Variants in TBL1X observed in about 807,000 individuals in gnomAD.
TBL1X encodes the protein F-box-like/WD repeat-containing protein TBL1X.
Under a neutral mutation model 50.7 loss-of-function variants are expected in TBL1X, and 10 were observed. That is an observed-to-expected ratio of 0.20 (90% CI 0.12 to 0.33). TBL1X has a LOEUF of 0.33. Among genes scored for constraint, TBL1X ranks in the 10% least tolerant of loss-of-function variants. The pLI, the probability that TBL1X is intolerant of heterozygous loss-of-function variation, is 1.00. For missense variants in TBL1X, 340 were observed against 504.4 expected (o/e 0.67, Z 3.12); for synonymous variants, 190 against 214.7 (o/e 0.88, Z 1.01).
At chrX:9,660,051 C>T (rs774303483) in intron 5 of TBL1X, among the ~76,000 whole-genome samples, 1 of 112,675 alleles carries the variant, frequency 8.9e-6, no homozygotes, top group Admixed American at 9.4e-5. Flanking sequence ...TCTATACAGC[C>T]TCATCAGCCC....
chrX:9,687,473 G>C (rs1227239898), intron 6 of TBL1X, among the ~76,000 whole-genome samples: 2 of 111,196 alleles, frequency 1.8e-5, no homozygotes, highest in African/African-American at 6.6e-5. Flanking sequence ...GCGATAGCAC[G>C]TGGGCAGGTC....
At chrX:9,523,913 C>A (rs1473454563) in intron 2 of TBL1X, among the ~76,000 whole-genome samples, 1 of 80,785 alleles carries the variant, frequency 1.2e-5, no homozygotes, top group Non-Finnish European at 2.5e-5. Flanking sequence ...TTTTTCTTTT[C>A]TTTTTATTGG....
At chrX:9,510,736 C>T (rs2082051358) in intron 2 of TBL1X, among the ~76,000 whole-genome samples, 1 of 112,097 alleles carries the variant, frequency 8.9e-6, no homozygotes, top group Non-Finnish European at 1.9e-5. Flanking sequence ...GTGGGTGGAC[C>T]TCATCCAATC....
At chrX:9,514,428 C>A (rs1331518530) in intron 2 of TBL1X, among the ~76,000 whole-genome samples, 1 of 111,249 alleles carries the variant, frequency 9.0e-6, no homozygotes, top group Non-Finnish European at 1.9e-5. Flanking sequence ...GGTTCGTTGC[C>A]TGTGTTTGTT....
intron 1 of TBL1X, among the ~76,000 whole-genome samples, chrX:9,491,646 C>T (rs1329121914): frequency 9.1e-6 from 1 of 110,455 alleles, no homozygotes; most frequent in Non-Finnish European, 1.9e-5. Context: ...GTTAAAGACT[C>T]ATTTATGAGG....
chrX:9,714,262 A>G (rs1172144351), intron 16 of TBL1X, among the ~76,000 whole-genome samples: 1 of 112,474 alleles, frequency 8.9e-6, no homozygotes, highest in Non-Finnish European at 1.9e-5. Flanking sequence ...AAATACGTAC[A>G]TTTTAATGTC....
chrX:9,591,956 G>A (rs1327816127), intron 2 of TBL1X, among the ~76,000 whole-genome samples: 1 of 112,348 alleles, frequency 8.9e-6, no homozygotes, highest in East Asian at 2.8e-4. Context: ...CTGAAGAACA[G>A]CTTTGATTTT....
chrX:9,653,979 G>A (rs970744216), intron 4 of TBL1X, among the ~76,000 whole-genome samples: 8 of 111,281 alleles, frequency 7.2e-5, no homozygotes, highest in African/African-American at 2.6e-4. Flanking sequence ...ATTCTTCCCC[G>A]GCCTTAGGAA....
chrX:9,529,029 AT>A (rs1049764735), intron 2 of TBL1X, among the ~76,000 whole-genome samples: 306 of 108,883 alleles, frequency 2.8e-3, no homozygotes, highest in African/African-American at 9.6e-3. Flanking sequence ...AAGTTTTCTG[AT>A]TTTTTTTTTC....
intron 2 of TBL1X, chrX:9,636,787 T>TA (rs1334065766): frequency 3.6e-5 from 4 of 112,461 alleles, no homozygotes; most frequent in Non-Finnish European, 7.5e-5. Context: ...AAAAATCCCT[T>TA]ACAGTGGTTT....
chrX:9,513,010 G>A (rs765650788), intron 2 of TBL1X, among the ~76,000 whole-genome samples: 9 of 110,518 alleles, frequency 8.1e-5, no homozygotes, highest in South Asian at 3.9e-4. Flanking sequence ...GACCTTATGC[G>A]GCTCCTTTGC....
intron 2 of TBL1X, among the ~76,000 whole-genome samples, chrX:9,503,195 C>T (rs999326044): frequency 1.8e-5 from 2 of 111,562 alleles, no homozygotes; most frequent in African/African-American, 6.5e-5. Flanking sequence ...GGCGGCCCAC[C>T]TGAGAGTCAC....
intron 2 of TBL1X, among the ~76,000 whole-genome samples, chrX:9,611,623 G>A (rs747959543): frequency 1.8e-5 from 2 of 112,118 alleles, no homozygotes; most frequent in South Asian, 7.5e-4. Context: ...GTCTAAAAGG[G>A]GATTTAGTAT....
intron 1 of TBL1X, among the ~76,000 whole-genome samples, chrX:9,498,055 T>C (rs1301297138): frequency 2.7e-5 from 3 of 110,113 alleles, no homozygotes; most frequent in African/African-American, 9.9e-5. Context: ...TTTCCTGCTA[T>C]TTCCTCCCAG....
chrX:9,689,268 TC>T (rs2083083030), intron 7 of TBL1X, among the ~76,000 whole-genome samples: 1 of 112,188 alleles, frequency 8.9e-6, no homozygotes, highest in Non-Finnish European at 1.9e-5. Context: ...CTCCACAACT[TC>T]CTGGTGTGTA....
At chrX:9,559,864 A>G (rs76225108) in intron 2 of TBL1X, among the ~76,000 whole-genome samples, 1 of 25,669 alleles carries the variant, frequency 3.9e-5, no homozygotes, top group Non-Finnish European at 8.6e-5. Flanking sequence ...GAAAGAATGG[A>G]TCAGTTATTT....
chrX:9,581,635 C>G (rs2082442911), intron 2 of TBL1X, among the ~76,000 whole-genome samples: 1 of 112,223 alleles, frequency 8.9e-6, no homozygotes, highest in African/African-American at 3.2e-5. Flanking sequence ...AGAGTGATGG[C>G]TCACAAATGC....
At chrX:9,506,582 CAAT>C (rs1420214986) in intron 2 of TBL1X, among the ~76,000 whole-genome samples, 1 of 111,087 alleles carries the variant, frequency 9.0e-6, no homozygotes, top group Non-Finnish European at 1.9e-5. Flanking sequence ...ATCAAATAGA[CAAT>C]AAAAAATGAT....
chrX:9,683,904 C>T, intron 5 of TBL1X, 139 bp from the exon 6 acceptor site: 7 of 962,757 alleles, frequency 7.3e-6, no homozygotes, highest in Non-Finnish European at 1.0e-5. Flanking sequence ...CAGAAGCATC[C>T]CTGGGCATTC....
Sources: allele counts gnomAD v4.1 joint callset (sites outside exome capture counted in the v4.1 genomes callset), GRCh38; gene constraint gnomAD v4.1.1; transcripts MANE v1.5; gene names NCBI Gene and HGNC (gene_info 2026-07-23, HGNC 2026-07-21).